SENP7: variants seen among roughly 807,000 people sequenced by gnomAD.
SENP7 encodes SUMO specific peptidase 7, also known as sentrin-specific protease 7.
In SENP7, 64 loss-of-function variants were observed where a neutral mutation model predicts 141.2. The observed-to-expected ratio is 0.45, with a 90% CI of 0.37 to 0.56. The LOEUF (loss-of-function observed/expected upper bound fraction) is 0.56, where lower values mean the gene tolerates loss of function less well. Among genes scored for constraint, SENP7 ranks in the 20% least tolerant of loss-of-function variants. The pLI is 0.00. For missense variants in SENP7, 1,025 were observed against 1,212.2 expected (o/e 0.85, Z 2.29); for synonymous variants, 382 against 426.4 (o/e 0.90, Z 1.28).
At chr3:101,431,743 C>A (rs1345784080) in intron 4 of SENP7, among the ~76,000 whole-genome samples, 2 of 151,554 alleles carry the variant, frequency 1.3e-5, no homozygotes, top group African/African-American at 4.8e-5. Context: ...AAGATTGCGC[C>A]ATTGCACTCC....
intron 3 of SENP7, among the ~76,000 whole-genome samples, chr3:101,463,368 T>TATATATATATATATATATATATATATAC (rs2063621052): frequency 3.9e-5 from 3 of 76,390 alleles, no homozygotes; most frequent in South Asian, 4.8e-4. Flanking sequence ...TAAATAAATA[T>TATATATATATATATATATATATATATAC]ATATATATAT....
Position 101,513,071 on chromosome 3 carries a change from C to T in SENP7, c.40+20G>A, listed in dbSNP as rs1320975017. 2.3e-5 allele frequency: 37 copies of T among 1,613,152 alleles called. No individual in the cohort carries two copies. Among genetic ancestry groups the T allele is most frequent in the Non-Finnish European group, 3.1e-5 (36 of 1,179,402 alleles). ...CGGGTAGGAGACAATATGTTCAGCC[C>T]TTCTCTGACCCTTTCTCACCGGATG... On this transcript the variant is annotated intron_variant, in intron 1 of 23. Coordinates refer to ENST00000394095, the MANE Select transcript of SENP7 (RefSeq NM_020654.5).
At chr3:101,383,275 C>T (rs1045948602) in intron 6 of SENP7, among the ~76,000 whole-genome samples, 2 of 152,146 alleles carry the variant, frequency 1.3e-5, no homozygotes, top group African/African-American at 2.4e-5. Context: ...GCCTGCTCCC[C>T]CTTTGCTTTC....
chr3:101,462,445 G>A (rs1398522707), intron 3 of SENP7, among the ~76,000 whole-genome samples: 1 of 151,986 alleles, frequency 6.6e-6, no homozygotes, highest in Non-Finnish European at 1.5e-5. Context: ...GGAGGCTGAG[G>A]CAGAAGAATC....
intron 5 of SENP7, chr3:101,414,159 C>T (rs970612602): frequency 1.9e-6 from 1 of 518,860 alleles, no homozygotes; most frequent in African/African-American, 1.9e-5. Flanking sequence ...CTTTAAAAGA[C>T]AGATTTAGGG....
At chr3:101,338,077 C>T (rs528082967) in intron 16 of SENP7, among the ~76,000 whole-genome samples, 7 of 150,920 alleles carry the variant, frequency 4.6e-5, no homozygotes, top group Non-Finnish European at 1.0e-4. Flanking sequence ...CACTTGAACC[C>T]GAGAGGCAGA....
At chr3:101,344,427 C>G (rs1335660595) in intron 13 of SENP7, among the ~76,000 whole-genome samples, 1 of 152,112 alleles carries the variant, frequency 6.6e-6, no homozygotes, top group Non-Finnish European at 1.5e-5. Context: ...ACCTTCTCTG[C>G]TATTTAATCA....
intron 3 of SENP7, among the ~76,000 whole-genome samples, chr3:101,472,265 A>G (rs1443927395): frequency 3.9e-5 from 6 of 152,218 alleles, no homozygotes; most frequent in Non-Finnish European, 5.9e-5. Context: ...ATGTCCATCA[A>G]TGATAGACTG....
intron 4 of SENP7, among the ~76,000 whole-genome samples, chr3:101,453,698 A>T (rs2063239865): frequency 6.6e-6 from 1 of 151,890 alleles, no homozygotes; most frequent in Non-Finnish European, 1.5e-5. Flanking sequence ...GGGGAACATC[A>T]CACACCGGGG....
chr3:101,355,017 A>G (rs2059702185), intron 11 of SENP7, among the ~76,000 whole-genome samples: 2 of 152,060 alleles, frequency 1.3e-5, no homozygotes, highest in Admixed American at 1.3e-4. Flanking sequence ...GGCCACATGT[A>G]TGTCTTTGGA....
At chr3:101,362,971 C>T (rs2059940583) in intron 10 of SENP7, among the ~76,000 whole-genome samples, 1 of 152,178 alleles carries the variant, frequency 6.6e-6, no homozygotes, top group South Asian at 2.1e-4. Flanking sequence ...AACCTCTGCA[C>T]ATTATCCGTA....
At position 101,367,859 on chromosome 3, in the gene SENP7, T is replaced by C. The variant is rs1319691355; in HGVS notation, c.949A>G (p.Thr317Ala). ...TGTTCTGTTGACTTATCCAAAGAAG[T>C]ACAATATTGAGAATCAGGTAAATTA... ...RNNLPDSQYC[T>A]SLDKSTEQTK... The change falls in exon 8 of 24, where the codon ACT (threonine) becomes GCT (alanine). Residue 317 changes from threonine (T) to alanine (A), a missense_variant. This residue lies in a region of SENP7 where 496 missense variants were observed against 503.5 expected (regional missense o/e 0.99). Coordinates refer to ENST00000394095, the MANE Select transcript of SENP7 (RefSeq NM_020654.5). The C allele has an allele frequency of 6.2e-7, 1 of 1,605,506 alleles. No homozygotes were observed. The highest frequency in any genetic ancestry group is 8.5e-7 in the Non-Finnish European group (1 of 1,173,112).
At chr3:101,419,339 T>A (rs2061718063) in intron 4 of SENP7, among the ~76,000 whole-genome samples, 1 of 152,198 alleles carries the variant, frequency 6.6e-6, no homozygotes, top group Non-Finnish European at 1.5e-5. Context: ...TCAACAACAA[T>A]GGAAATCCAC....
At chr3:101,381,383 AGAG>A (rs749439215) in intron 6 of SENP7, among the ~76,000 whole-genome samples, 9 of 152,300 alleles carry the variant, frequency 5.9e-5, no homozygotes, top group Non-Finnish European at 1.0e-4. Context: ...TAATATCAAA[AGAG>A]GATAGTGTGA....
chr3:101,366,093 CAGAT>C (rs1389368244), intron 9 of SENP7, among the ~76,000 whole-genome samples: 1 of 152,190 alleles, frequency 6.6e-6, no homozygotes, highest in Non-Finnish European at 1.5e-5. Flanking sequence ...TGATAATAAT[CAGAT>C]AGCACTTAAA....
intron 10 of SENP7, chr3:101,363,183 T>TA (rs1347458592): frequency 1.1e-4 from 95 of 839,376 alleles, no homozygotes; most frequent in Non-Finnish European, 1.3e-4. Context: ...AGTATACTAT[T>TA]AATATCTTCT....
chr3:101,467,474 G>A (rs956533761), intron 3 of SENP7, among the ~76,000 whole-genome samples: 2 of 152,218 alleles, frequency 1.3e-5, no homozygotes, highest in Non-Finnish European at 2.9e-5. Context: ...CCTCTGGGAC[G>A]AAGCTTCCAG....
intron 4 of SENP7, among the ~76,000 whole-genome samples, chr3:101,434,929 T>A (rs1159402194): frequency 6.6e-6 from 1 of 151,944 alleles, no homozygotes; most frequent in African/African-American, 2.4e-5. Flanking sequence ...ACAAGTCCAG[T>A]ATTACCCTAA....
intron 3 of SENP7, among the ~76,000 whole-genome samples, chr3:101,461,649 G>C (rs769247796): frequency 6.7e-6 from 1 of 149,718 alleles, no homozygotes; most frequent in Non-Finnish European, 1.5e-5. Context: ...ATTACCACAT[G>C]ACACAGCAAT....
Sources: allele counts gnomAD v4.1 joint callset (sites outside exome capture counted in the v4.1 genomes callset), GRCh38; gene constraint gnomAD v4.1.1; regional missense constraint gnomAD v4.1.1; transcripts MANE v1.5; gene names NCBI Gene and HGNC (gene_info 2026-07-23, HGNC 2026-07-21).